Variants in IQUB observed in about 807,000 individuals in gnomAD.
IQUB encodes the protein IQ motif and ubiquitin-like domain-containing protein.
IQUB carries 86 observed loss-of-function variants against 86.4 expected under a neutral mutation model. That is an observed-to-expected ratio of 1.00 (90% CI 0.84 to 1.19). The LOEUF (loss-of-function observed/expected upper bound fraction) is 1.19, where lower values mean the gene tolerates loss of function less well. Among genes scored for constraint, IQUB ranks in the 50% most tolerant of loss-of-function variants. The pLI is 0.00. For synonymous variants in IQUB, 289 were observed against 304.5 expected (o/e 0.95, Z 0.53); for missense variants, 946 against 916.9 (o/e 1.03, Z -0.41).
At chr7:123,524,355 T>A (rs1475449778) in intron 1 of IQUB, among the ~76,000 whole-genome samples, 1 of 148,984 alleles carries the variant, frequency 6.7e-6, no homozygotes, top group Admixed American at 6.8e-5. Context: ...GTTCTTCCAT[T>A]TGTTTGTATC....
chr7:123,472,985 A>T lies in IQUB; in HGVS notation c.1411-3601T>A, dbSNP rs562054439. 2.0e-5 allele frequency among the ~76,000 whole-genome samples: 3 copies of T among 152,350 alleles called. No homozygotes were observed. The East Asian group carries it at 5.8e-4, about 29-fold the overall frequency. On this transcript the variant is annotated intron_variant, in intron 8 of 12. Transcript: ENST00000324698. ...ACAGACCCTGGAAGAGAGAAACAGA[A>T]GAACAGCAGGAAGACACATTTCAGG...
At chr7:123,477,572 A>C (rs1584575098) in intron 8 of IQUB, among the ~76,000 whole-genome samples, 1 of 152,348 alleles carries the variant, frequency 6.6e-6, no homozygotes, top group East Asian at 1.9e-4. Context: ...AATGGCAATA[A>C]AAGTCAAAAT....
intron 1 of IQUB, among the ~76,000 whole-genome samples, chr7:123,531,614 C>A (rs1797540282): frequency 6.6e-6 from 1 of 152,180 alleles, no homozygotes; most frequent in Non-Finnish European, 1.5e-5. Context: ...ATTTTCAAAT[C>A]AAATTAAGAT....
intron 7 of IQUB, among the ~76,000 whole-genome samples, chr7:123,487,676 G>A (rs1459741821): frequency 6.6e-6 from 1 of 152,182 alleles, no homozygotes; most frequent in Non-Finnish European, 1.5e-5. Context: ...TTCACCGATA[G>A]AGCAAGTAAA....
chr7:123,464,938 T>C lies in IQUB; in HGVS notation c.1653A>G (p.Gly551=). The C allele has an allele frequency of 6.2e-7, 1 of 1,600,198 alleles. No individual in the cohort carries two copies. Residue 551 remains glycine, a synonymous_variant, in exon 10 of 13, where the codon GGA becomes GGG. Coordinates refer to ENST00000324698, the MANE Select transcript of IQUB (RefSeq NM_178827.5). The part of the protein sequence containing the change: ...IDREVDLMMR[G]VKHHNLEGLR... The stretch of plus-strand genomic sequence containing the variant: ...GTCCTTCAAGGTTATGATGTTTGAC[T>C]CCTCTCATCATAAGGTCAACCTCTC...
Position 123,512,148 on chromosome 7 carries a change from C to T in IQUB, c.193G>A (p.Asp65Asn), listed in dbSNP as rs867418112. Residue 65 changes from aspartate to asparagine, a missense_variant, in exon 2 of 13, where the codon GAC becomes AAC. Asp to Asn is a conservative substitution (Grantham distance 23). Coordinates refer to ENST00000324698, the MANE Select transcript of IQUB (RefSeq NM_178827.5). ...GGTTCCAGGCTTGAAAAGCTTTGGTCACTCTGCTCCTCAACATGTATTGCA... is the reference window on the plus strand; with the variant it reads ...GGTTCCAGGCTTGAAAAGCTTTGGTTACTCTGCTCCTCAACATGTATTGCA... ...SHAIHVEEQSDQSFSSLEPDN... is the reference protein window; with the variant it reads ...SHAIHVEEQSNQSFSSLEPDN... The T allele has an allele frequency of 6.2e-6, 10 of 1,613,836 alleles. No individual in the cohort carries two copies. Among genetic ancestry groups the T allele is most frequent in the African/African-American group, 1.3e-5 (1 of 74,916 alleles).
At position 123,461,404 on chromosome 7, in the gene IQUB, T is replaced by C. The variant is rs1313783115; in HGVS notation, c.1960A>G (p.Thr654Ala). The change falls in exon 11 of 13, where the codon ACA (threonine) becomes GCA (alanine). Residue 654 changes from threonine to alanine, a missense_variant. By Grantham distance (58) the Thr-to-Ala change is moderately conservative. Coordinates refer to ENST00000324698, the MANE Select transcript of IQUB (RefSeq NM_178827.5). ...GAATCATCTTCATAATCAGCTTCTGTATAGTAGAGCTGTTGAAGTAAACAT... is the reference window on the plus strand; with the variant it reads ...GAATCATCTTCATAATCAGCTTCTGCATAGTAGAGCTGTTGAAGTAAACAT... Reference protein sequence around the residue: ...YKCLLQQLYYTEADYEDDSKI... With the variant: ...YKCLLQQLYYAEADYEDDSKI... The C allele has an allele frequency of 6.2e-7, 1 of 1,611,914 alleles. No homozygotes were observed. Among genetic ancestry groups the C allele is most frequent in the Middle Eastern group, 1.7e-4 (1 of 6,050 alleles).
At chr7:123,493,731 A>ATGTGTGTGTGTGTGTG (rs71161484) in intron 7 of IQUB, among the ~76,000 whole-genome samples, 27 of 112,648 alleles carry the variant, frequency 2.4e-4, no homozygotes, top group African/African-American at 4.3e-4. Context: ...ATGTGTGTGT[A>ATGTGTGTGTGTGTGTG]TGTGTGTGTG....
At position 123,461,590 on chromosome 7, in the gene IQUB, A is replaced by G. The variant is rs369352543; in HGVS notation, c.1774T>C (p.Leu592=). Reference sequence around the variant, plus strand: ...AAGTAAATCTTCTTATAAAATTTCAATGGGTCTTGAGGGACCTAAATAAAT... The same window carrying G: ...AAGTAAATCTTCTTATAAAATTTCAGTGGGTCTTGAGGGACCTAAATAAAT... ...AKYLKVPQDP[L]KFYKKIYFCH... is the part of the protein sequence containing the mutation. The change falls in exon 11 of 13, where the codon TTG becomes CTG. Residue 592 remains leucine (L), a synonymous_variant. Transcript: ENST00000324698. The G allele has an allele frequency of 4.2e-5, 67 of 1,609,668 alleles. No individual in the cohort carries two copies. The highest frequency in any genetic ancestry group is 3.2e-5 in the Non-Finnish European group (38 of 1,177,454).
chr7:123,491,659 C>T (rs905467031), intron 7 of IQUB, among the ~76,000 whole-genome samples: 2 of 152,018 alleles, frequency 1.3e-5, no homozygotes, highest in South Asian at 2.1e-4. Context: ...CATGAATACC[C>T]CTATATTTAT....
intron 7 of IQUB, among the ~76,000 whole-genome samples, chr7:123,482,626 C>A (rs1209463378): frequency 1.3e-5 from 2 of 151,952 alleles, no homozygotes; most frequent in African/African-American, 4.8e-5. Flanking sequence ...GCGTAGGATG[C>A]AACCAAAATT....
chr7:123,533,240 C>T (rs1322317137), intron 1 of IQUB, among the ~76,000 whole-genome samples: 2 of 152,194 alleles, frequency 1.3e-5, no homozygotes, highest in Admixed American at 1.3e-4. Flanking sequence ...TTTTATACAT[C>T]TATCTCTGTA....
rs372404366 is a variant in IQUB, at chr7:123,502,926, G to C, written c.867+18C>G. The C allele has an allele frequency of 6.3e-7, 1 of 1,590,904 alleles. No homozygotes were observed. Among genetic ancestry groups the C allele is most frequent in the South Asian group, 1.1e-5 (1 of 88,014 alleles). ...GTCTATACCTTCAAAAACCTAAAGAGACAAATAAAAACATTACCTGCGTAT... is the reference window on the plus strand; with the variant it reads ...GTCTATACCTTCAAAAACCTAAAGACACAAATAAAAACATTACCTGCGTAT... On this transcript the variant is annotated intron_variant, in intron 5 of 12. Transcript: ENST00000324698.
At chr7:123,469,143 T>G in intron 9 of IQUB, 71 bp downstream of exon 9, 2 of 1,064,498 alleles carry the variant, frequency 1.9e-6, no homozygotes, top group Non-Finnish European at 2.6e-6. Context: ...ACTTTACTTG[T>G]TTTAGTATTT....
intron 8 of IQUB, among the ~76,000 whole-genome samples, chr7:123,472,068 T>C (rs1446808394): frequency 1.3e-5 from 2 of 151,818 alleles, no homozygotes; most frequent in Non-Finnish European, 2.9e-5. Flanking sequence ...TGATAACTCA[T>C]CTCTACTAAA....
At chr7:123,513,717 C>T (rs1009667010) in intron 1 of IQUB, among the ~76,000 whole-genome samples, 3 of 152,134 alleles carry the variant, frequency 2.0e-5, no homozygotes, top group South Asian at 2.1e-4. Flanking sequence ...GGTCCAATCT[C>T]GGCTCACTGC....
intron 10 of IQUB, chr7:123,462,862 T>C: frequency 4.4e-6 from 2 of 455,002 alleles, no homozygotes; most frequent in Non-Finnish European, 8.8e-6. Context: ...AAATAACTCA[T>C]TCTTATTATG....
intron 7 of IQUB, among the ~76,000 whole-genome samples, chr7:123,481,545 TAA>T (rs1255147475): frequency 2.0e-5 from 3 of 152,086 alleles, no homozygotes; most frequent in Non-Finnish European, 4.4e-5. Context: ...GGGGAATTTC[TAA>T]AAGATATAGT....
At chr7:123,509,421 A>G (rs765109389) in intron 3 of IQUB, among the ~76,000 whole-genome samples, 1 of 151,880 alleles carries the variant, frequency 6.6e-6, no homozygotes, top group Non-Finnish European at 1.5e-5. Flanking sequence ...TTTCAATCTC[A>G]TCTCCTCCCG....
Sources: allele counts gnomAD v4.1 joint callset (sites outside exome capture counted in the v4.1 genomes callset), GRCh38; gene constraint gnomAD v4.1.1; transcripts MANE v1.5; gene names NCBI Gene and HGNC (gene_info 2026-07-23, HGNC 2026-07-21).